Variants in PAK4 observed in about 807,000 individuals in gnomAD.
PAK4 encodes the protein p21 (RAC1) activated kinase 4, also known as serine/threonine-protein kinase PAK 4.
Under a neutral mutation model 53.5 loss-of-function variants are expected in PAK4, and 49 were observed. The observed-to-expected ratio is 0.92, with a 90% CI of 0.73 to 1.16. The LOEUF is 1.16. Among genes scored for constraint, PAK4 ranks in the 50% most tolerant of loss-of-function variants. The probability of loss-of-function intolerance (pLI) is 0.00; values close to 1 mark genes in which losing one functional copy is unlikely to be tolerated. For synonymous variants in PAK4, 376 were observed against 375.6 expected (o/e 1.00, Z -0.01); for missense variants, 824 against 850.7 (o/e 0.97, Z 0.39).
intron 1 of PAK4, among the ~76,000 whole-genome samples, chr19:39,129,678 C>G (rs928132594): frequency 8.0e-6 from 1 of 124,488 alleles, no homozygotes; most frequent in African/African-American, 3.0e-5. Context: ...GTTCACACAA[C>G]TGGCTTAGCT....
chr19:39,167,938 C>G (rs909945090), intron 1 of PAK4: 2 of 152,378 alleles, frequency 1.3e-5, no homozygotes, highest in Admixed American at 6.5e-5. Context: ...AACAGAAACT[C>G]CACCTGCATG....
intron 4 of PAK4, among the ~76,000 whole-genome samples, chr19:39,174,651 G>A (rs2074564871): frequency 6.6e-6 from 1 of 152,008 alleles, no homozygotes; most frequent in Non-Finnish European, 1.5e-5. Context: ...TCTCAGCCCT[G>A]TGATTGAACG....
intron 1 of PAK4, 60 bp from the exon 3 acceptor site, chr19:39,169,472 G>A (rs962577840): frequency 9.4e-5 from 114 of 1,215,752 alleles, no homozygotes; most frequent in Non-Finnish European, 1.3e-4. Flanking sequence ...ACAGAGCAGG[G>A]GCAGAGGAGG....
At chr19:39,132,479 G>A (rs1315177350) in intron 1 of PAK4, among the ~76,000 whole-genome samples, 2 of 152,224 alleles carry the variant, frequency 1.3e-5, no homozygotes, top group Non-Finnish European at 2.9e-5. Context: ...CCTGTGCTTT[G>A]CGTTTCCCAC....
At chr19:39,145,484 T>TG (rs949591150) in intron 1 of PAK4, among the ~76,000 whole-genome samples, 11 of 151,832 alleles carry the variant, frequency 7.2e-5, no homozygotes, top group Admixed American at 1.3e-4. Context: ...AGCTCTGTCC[T>TG]GGGGGGGCCC....
chr19:39,169,971 G>A (rs1014257753), intron 2 of PAK4, among the ~76,000 whole-genome samples: 7 of 98,034 alleles, frequency 7.1e-5, no homozygotes, highest in African/African-American at 2.2e-4. Flanking sequence ...ACCCCAACCT[G>A]AGCCTCCCCC....
At chr19:39,171,032 C>T (rs1341544290) in intron 2 of PAK4, among the ~76,000 whole-genome samples, 21 of 152,234 alleles carry the variant, frequency 1.4e-4, no homozygotes, top group Admixed American at 1.4e-3. Flanking sequence ...AAAACCCAGC[C>T]CCTGCCTGGC....
chr19:39,150,003 ATGG>A (rs1423763113), intron 1 of PAK4, among the ~76,000 whole-genome samples: 1 of 152,196 alleles, frequency 6.6e-6, no homozygotes, highest in Non-Finnish European at 1.5e-5. Context: ...TTGAATATAG[ATGG>A]TGGTGATGGT....
intron 1 of PAK4, among the ~76,000 whole-genome samples, chr19:39,154,985 C>T (rs2074153305): frequency 6.6e-6 from 1 of 152,240 alleles, no homozygotes; most frequent in Admixed American, 6.5e-5. Flanking sequence ...GCTGGCCTCC[C>T]AGCCCACGTT....
At chr19:39,149,349 G>C (rs2074056953) in intron 1 of PAK4, among the ~76,000 whole-genome samples, 1 of 152,224 alleles carries the variant, frequency 6.6e-6, no homozygotes, top group Non-Finnish European at 1.5e-5. Context: ...CTATCATGTG[G>C]ATGGTCTTGA....
intron 1 of PAK4, among the ~76,000 whole-genome samples, chr19:39,131,104 C>T (rs1228612138): frequency 6.6e-6 from 1 of 152,032 alleles, no homozygotes; most frequent in East Asian, 1.9e-4. Context: ...CAGAGAGGTA[C>T]GGGACTTGCT....
intron 1 of PAK4, among the ~76,000 whole-genome samples, chr19:39,135,839 G>A (rs973829015): frequency 9.9e-5 from 14 of 141,416 alleles, no homozygotes; most frequent in East Asian, 9.1e-4. Flanking sequence ...CCCATCCCTC[G>A]TCTTGTTTCG....
At chr19:39,132,355 A>G (rs1482081004) in intron 1 of PAK4, among the ~76,000 whole-genome samples, 2 of 152,224 alleles carry the variant, frequency 1.3e-5, no homozygotes, top group African/African-American at 2.4e-5. Flanking sequence ...CAGAGATAGC[A>G]TCATCACCCC....
intron 2 of PAK4, among the ~76,000 whole-genome samples, chr19:39,172,365 T>C (rs2144840735): frequency 6.6e-6 from 1 of 152,196 alleles, no homozygotes; most frequent in Non-Finnish European, 1.5e-5. Flanking sequence ...CCCATCTGCA[T>C]TTGCATTTGC....
chr19:39,174,285 C>T (rs1247964419), intron 4 of PAK4, among the ~76,000 whole-genome samples: 2 of 151,904 alleles, frequency 1.3e-5, no homozygotes, highest in African/African-American at 4.8e-5. Context: ...GCCCCTCGCA[C>T]CCACTGAGGC....
chr19:39,180,257 G>A (rs1216435060), downstream of PAK4: 3 of 152,242 alleles, frequency 2.0e-5, no homozygotes, highest in East Asian at 5.8e-4. Flanking sequence ...AAACCCAGCG[G>A]TGCAAGCAGC....
chr19:39,153,614 A>G (rs1351012279), intron 1 of PAK4, among the ~76,000 whole-genome samples: 2 of 152,030 alleles, frequency 1.3e-5, no homozygotes, highest in Non-Finnish European at 2.9e-5. Flanking sequence ...GCCAATTTTT[A>G]TATTTTTAGT....
At chr19:39,147,072 AT>A (rs2074012373) in intron 1 of PAK4, among the ~76,000 whole-genome samples, 2 of 150,734 alleles carry the variant, frequency 1.3e-5, no homozygotes, top group African/African-American at 2.4e-5. Flanking sequence ...TCAATTGACA[AT>A]TGTCATTGTC....
intron 1 of PAK4, among the ~76,000 whole-genome samples, chr19:39,134,189 C>T (rs2145114412): frequency 6.6e-6 from 1 of 152,346 alleles, no homozygotes; most frequent in African/African-American, 2.4e-5. Context: ...AACTCCACTG[C>T]TTTTAAAAAA....
Sources: allele counts gnomAD v4.1 joint callset (sites outside exome capture counted in the v4.1 genomes callset), GRCh38; gene constraint gnomAD v4.1.1; transcripts MANE v1.5; gene names NCBI Gene and HGNC (gene_info 2026-07-23, HGNC 2026-07-21).